The following LINGO2 variants were observed in gnomAD, a reference collection of about 807,000 sequenced individuals.
LINGO2 encodes the protein leucine rich repeat and Ig domain containing 2.
A neutral mutation model predicts 30.6 loss-of-function variants in LINGO2; 14 were observed. The observed-to-expected ratio is 0.46, with a 90% CI of 0.30 to 0.72. The LOEUF (loss-of-function observed/expected upper bound fraction) is 0.72. Among genes scored for constraint, LINGO2 ranks in the 30% least tolerant of loss-of-function variants. The pLI, the probability that LINGO2 is intolerant of heterozygous loss-of-function variation, is 0.07. For missense variants in LINGO2, 729 were observed against 751.7 expected (o/e 0.97, Z 0.35); for synonymous variants, 317 against 288.5 (o/e 1.10, Z -1.00).
At chr9:29,207,368 C>T in the LINGO2 span, among the ~76,000 whole-genome samples, 1 of 151,968 alleles carries the variant, frequency 6.6e-6, no homozygotes, top group Non-Finnish European at 1.5e-5. Context: ...TTCATGCTGG[C>T]TAGTAGATAA....
At chr9:28,311,338 T>C (rs896274948) in intron 3 of LINGO2, among the ~76,000 whole-genome samples, 4 of 152,152 alleles carry the variant, frequency 2.6e-5, no homozygotes, top group African/African-American at 7.2e-5. Context: ...ACATTGTCAT[T>C]GATAACATCT....
In LINGO2 at chr9:27,996,470, C is replaced by T. The variant is rs182472847; in HGVS notation, c.-36+15885G>A. Among the ~76,000 whole-genome samples the T allele has an allele frequency of 3.3e-4, 50 of 152,244 alleles. No homozygotes were observed. In the East Asian group the frequency reaches 8.1e-3, roughly 25 times the overall value. On this transcript the variant is annotated intron_variant, in intron 5 of 5. Coordinates refer to ENST00000379992, the Ensembl canonical transcript of LINGO2. ...TCAGCCATGAAGAATGGAATCCTGT[C>T]ATTTGCAGTAACATAGATGGAACTG...
intron 1 of LINGO2, among the ~76,000 whole-genome samples, chr9:28,529,869 A>C (rs1359622733): frequency 1.3e-5 from 2 of 152,110 alleles, no homozygotes; most frequent in Non-Finnish European, 2.9e-5. Context: ...TTTAAATAGC[A>C]AAATTAAAAG....
intron 1 of LINGO2, among the ~76,000 whole-genome samples, chr9:28,480,527 G>T (rs996146511): frequency 1.3e-5 from 2 of 152,004 alleles, no homozygotes; most frequent in East Asian, 3.9e-4. Flanking sequence ...ATAAATTGTA[G>T]ATTGAAGTGT....
chr9:28,638,611 G>A (rs1292586887), intron 1 of LINGO2, among the ~76,000 whole-genome samples: 2 of 152,146 alleles, frequency 1.3e-5, no homozygotes, highest in Non-Finnish European at 2.9e-5. Context: ...TTGCGTAGAG[G>A]TGTTTATAGT....
At chr9:28,363,024 C>G (rs1820513381) in intron 3 of LINGO2, among the ~76,000 whole-genome samples, 1 of 152,094 alleles carries the variant, frequency 6.6e-6, no homozygotes, top group Non-Finnish European at 1.5e-5. Flanking sequence ...CCAGCATAAT[C>G]ATATAATTAT....
the LINGO2 span, among the ~76,000 whole-genome samples, chr9:28,897,314 CAG>C: frequency 6.6e-6 from 1 of 152,120 alleles, no homozygotes; most frequent in Non-Finnish European, 1.5e-5. Context: ...TAGGACATGA[CAG>C]AGACAATCCT....
the LINGO2 span, among the ~76,000 whole-genome samples, chr9:29,194,832 T>C: frequency 2.0e-5 from 3 of 152,228 alleles, no homozygotes; most frequent in Non-Finnish European, 4.4e-5. Context: ...TACCAGGATA[T>C]TGACATTGAA....
At chr9:28,152,476 C>G (rs1371020864) in intron 4 of LINGO2, among the ~76,000 whole-genome samples, 1 of 152,114 alleles carries the variant, frequency 6.6e-6, no homozygotes, top group African/African-American at 2.4e-5. Context: ...AACCTCTTTT[C>G]TTTATAAATT....
chr9:28,735,868 A>G, the LINGO2 span, among the ~76,000 whole-genome samples: 984 of 152,280 alleles, frequency 6.5e-3, 27 homozygotes, highest in Admixed American at 0.037. Flanking sequence ...ACAATGACAC[A>G]GGGTTGCAGA....
intron 4 of LINGO2, among the ~76,000 whole-genome samples, chr9:28,100,958 G>T (rs1486047321): frequency 6.6e-6 from 1 of 152,092 alleles, no homozygotes. Flanking sequence ...CAATATATGA[G>T]TAAATGAAGA....
intron 4 of LINGO2, among the ~76,000 whole-genome samples, chr9:28,212,677 T>C (rs1403242943): frequency 6.6e-6 from 1 of 151,330 alleles, no homozygotes; most frequent in Non-Finnish European, 1.5e-5. Context: ...CAGTTATAAG[T>C]AGCTACTTAA....
intron 1 of LINGO2, among the ~76,000 whole-genome samples, chr9:28,602,040 G>T (rs2177064): frequency 6.6e-6 from 1 of 152,066 alleles, no homozygotes; most frequent in African/African-American, 2.4e-5. Context: ...ATTTATCAAA[G>T]AAGTGCTCCC....
intron 4 of LINGO2, among the ~76,000 whole-genome samples, chr9:28,254,834 G>T (rs1459026999): frequency 1.3e-5 from 2 of 151,968 alleles, no homozygotes; most frequent in Non-Finnish European, 2.9e-5. Context: ...TTGTGTCATG[G>T]GGGTTTGTTG....
At chr9:28,144,156 A>T (rs565481732) in intron 4 of LINGO2, among the ~76,000 whole-genome samples, 2 of 152,344 alleles carry the variant, frequency 1.3e-5, no homozygotes, top group South Asian at 4.1e-4. Flanking sequence ...TGATCTTTAA[A>T]GTCCTTTAAT....
At chr9:28,680,719 T>C in the LINGO2 span, among the ~76,000 whole-genome samples, 1 of 152,068 alleles carries the variant, frequency 6.6e-6, no homozygotes, top group Non-Finnish European at 1.5e-5. Context: ...ATTTGATAAT[T>C]AGTGATTGCG....
At chr9:28,856,220 T>C in the LINGO2 span, among the ~76,000 whole-genome samples, 3 of 152,062 alleles carry the variant, frequency 2.0e-5, no homozygotes, top group East Asian at 3.9e-4. Flanking sequence ...ACAGAGATTT[T>C]GTGCTTTGCT....
the LINGO2 span, among the ~76,000 whole-genome samples, chr9:29,016,180 A>C: frequency 6.6e-6 from 1 of 152,224 alleles, no homozygotes; most frequent in African/African-American, 2.4e-5. Context: ...CCTAAAACAT[A>C]AAGTACCTTC....
the LINGO2 span, among the ~76,000 whole-genome samples, chr9:29,164,506 T>C: frequency 1.4e-5 from 2 of 147,696 alleles, no homozygotes; most frequent in Non-Finnish European, 3.0e-5. Context: ...ATGTTATCAA[T>C]TAATGAAGGG....
Sources: gnomAD v4.1 joint callset for allele counts (sites outside exome capture counted in the v4.1 genomes callset) on GRCh38, gnomAD v4.1.1 for gene constraint, MANE v1.5 for transcripts, NCBI Gene and HGNC (gene_info 2026-07-23, HGNC 2026-07-21) for gene names.